The following FSHR variants were observed in gnomAD, a reference collection of about 807,000 sequenced individuals.
FSHR encodes the protein follicle stimulating hormone receptor.
FSHR carries 46 observed loss-of-function variants against 52.1 expected under a neutral mutation model. The observed-to-expected ratio is 0.88, with a 90% CI of 0.70 to 1.13. The LOEUF (loss-of-function observed/expected upper bound fraction) is 1.13. Ranked by LOEUF, FSHR falls within the 50% of genes most tolerant of loss-of-function variation. The pLI is 0.00. For missense variants in FSHR, 964 were observed against 834.6 expected (o/e 1.16, Z -1.91); for synonymous variants, 399 against 309.6 (o/e 1.29, Z -3.03).
At chr2:48,969,841 C>A (rs1011967275) in intron 8 of FSHR, among the ~76,000 whole-genome samples, 1 of 152,176 alleles carries the variant, frequency 6.6e-6, no homozygotes, top group Admixed American at 6.5e-5. Flanking sequence ...CTGGCAGCAC[C>A]ACTGGTAGTT....
chr2:49,027,751 G>A (rs140356151), intron 2 of FSHR, among the ~76,000 whole-genome samples: 32 of 151,514 alleles, frequency 2.1e-4, no homozygotes, highest in African/African-American at 6.8e-4. Flanking sequence ...TCGAGAGGCT[G>A]AGGCATTAGA....
chr2:49,152,073 C>G (rs1367471386), intron 1 of FSHR, among the ~76,000 whole-genome samples: 1 of 152,138 alleles, frequency 6.6e-6, no homozygotes, highest in Admixed American at 6.6e-5. Flanking sequence ...AAGACAGAAT[C>G]TTCTTAAGAC....
intron 1 of FSHR, among the ~76,000 whole-genome samples, chr2:49,135,415 A>G (rs890728206): frequency 8.5e-5 from 13 of 152,312 alleles, no homozygotes; most frequent in Non-Finnish European, 8.8e-5. Context: ...CTTTGAGATG[A>G]ATGAAAATTA....
At chr2:49,075,767 G>C (rs920470345) in intron 1 of FSHR, among the ~76,000 whole-genome samples, 7 of 151,940 alleles carry the variant, frequency 4.6e-5, no homozygotes, top group Admixed American at 1.3e-4. Context: ...AGCTGAGACT[G>C]CAGGCATGCA....
At chr2:49,035,323 C>G (rs1668237437) in intron 2 of FSHR, among the ~76,000 whole-genome samples, 2 of 152,358 alleles carry the variant, frequency 1.3e-5, no homozygotes, top group Admixed American at 6.5e-5. Flanking sequence ...CATTGCCTTT[C>G]ATTTTCGAAG....
At chr2:49,026,708 C>T (rs979228387) in intron 2 of FSHR, among the ~76,000 whole-genome samples, 9 of 152,128 alleles carry the variant, frequency 5.9e-5, no homozygotes, top group African/African-American at 1.9e-4. Context: ...GAAGGATGCC[C>T]GGTGCCCAAC....
At position 49,007,474 on chromosome 2, in the gene FSHR, G is replaced by A. The variant is rs146528876; in HGVS notation, c.374+10015C>T. ...ATTATTTTGAATAGGGATGGCAAGG[G>A]AGCTTGTGGACCACTAGTGTTGAAA... is the stretch of plus-strand genomic sequence containing the variant. On this transcript the variant is annotated intron_variant, in intron 4 of 9. Transcript: ENST00000406846. 9.6e-3 allele frequency among the ~76,000 whole-genome samples: 1,454 copies of A among 152,232 alleles called. 18 individuals carry two copies. Among genetic ancestry groups the A allele is most frequent in the Middle Eastern group, 0.037 (11 of 294 alleles).
intron 1 of FSHR, among the ~76,000 whole-genome samples, chr2:49,145,056 T>C (rs886576801): frequency 6.6e-6 from 1 of 152,092 alleles, no homozygotes; most frequent in African/African-American, 2.4e-5. Flanking sequence ...CCCAGCTGCT[T>C]TGGGGGAAGC....
At chr2:49,126,095 C>G (rs2103792805) in intron 1 of FSHR, among the ~76,000 whole-genome samples, 1 of 152,282 alleles carries the variant, frequency 6.6e-6, no homozygotes, top group Admixed American at 6.5e-5. Flanking sequence ...AGTAAAGGAT[C>G]CGTGGAATGG....
chr2:49,113,644 T>C (rs1671503948), intron 1 of FSHR, among the ~76,000 whole-genome samples: 1 of 152,194 alleles, frequency 6.6e-6, no homozygotes, highest in Non-Finnish European at 1.5e-5. Flanking sequence ...TTTTTTATTT[T>C]CCCCCTAAAC....
chr2:49,046,036 C>T (rs760260905), intron 2 of FSHR, among the ~76,000 whole-genome samples: 1 of 152,160 alleles, frequency 6.6e-6, no homozygotes, highest in Non-Finnish European at 1.5e-5. Context: ...ACCTACATGA[C>T]TTCTTAGATG....
At chr2:48,973,884 C>G (rs773203988) in intron 8 of FSHR, among the ~76,000 whole-genome samples, 7 of 152,108 alleles carry the variant, frequency 4.6e-5, no homozygotes, top group Non-Finnish European at 1.0e-4. Context: ...CTATGGTTGT[C>G]TTTTCATGTA....
intron 2 of FSHR, among the ~76,000 whole-genome samples, chr2:49,067,588 C>G (rs931676375): frequency 1.3e-5 from 2 of 152,032 alleles, no homozygotes; most frequent in South Asian, 4.1e-4. Context: ...GGGAGGATTA[C>G]TTTAAGTATA....
intron 4 of FSHR, among the ~76,000 whole-genome samples, chr2:48,993,262 C>T (rs183241170): frequency 3.9e-5 from 6 of 152,292 alleles, no homozygotes; most frequent in Admixed American, 6.5e-5. Flanking sequence ...GCATATCCTC[C>T]TGAATGTCTC....
Position 49,087,081 on chromosome 2 carries a change from T to TTTTGTTTTG in FSHR, c.153-18792_153-18791insCAAAACAAA, listed in dbSNP as rs1393337694. ...ACCCTGTGGGCAGGGTTTTTTTTTT[T>TTTTGTTTTG]TTTTTTTTTTTTTTTTTACAAAGCT... On this transcript the variant is annotated intron_variant, in intron 1 of 9. Transcript: ENST00000406846. Among the ~76,000 whole-genome samples, 443 of 145,302 alleles carry TTTTGTTTTG rather than the reference T, an allele frequency of 3.0e-3. 9 individuals carry two copies. The highest frequency in any genetic ancestry group is 0.01 in the African/African-American group (404 of 39,574).
intron 2 of FSHR, among the ~76,000 whole-genome samples, chr2:49,051,755 A>T (rs1042778425): frequency 9.2e-5 from 14 of 151,914 alleles, no homozygotes; most frequent in African/African-American, 3.4e-4. Context: ...AATGTGTTCT[A>T]CTTAAGGAAT....
intron 4 of FSHR, among the ~76,000 whole-genome samples, chr2:48,998,891 G>A (rs1309827047): frequency 6.6e-6 from 1 of 152,002 alleles, no homozygotes; most frequent in African/African-American, 2.4e-5. Context: ...AAATATCGAA[G>A]CATATTATTC....
At chr2:49,006,413 C>T (rs565093143) in intron 4 of FSHR, among the ~76,000 whole-genome samples, 1 of 152,144 alleles carries the variant, frequency 6.6e-6, no homozygotes, top group East Asian at 1.9e-4. Context: ...CTTACCCAAC[C>T]CTATCCATCC....
At chr2:48,990,190 C>T (rs1020911718) in intron 5 of FSHR, among the ~76,000 whole-genome samples, 1 of 152,140 alleles carries the variant, frequency 6.6e-6, no homozygotes, top group African/African-American at 2.4e-5. Context: ...TAGATAGTTT[C>T]TTTGTGCCCA....
Sources: gnomAD v4.1 joint callset for allele counts (sites outside exome capture counted in the v4.1 genomes callset) on GRCh38, gnomAD v4.1.1 for gene constraint, MANE v1.5 for transcripts, NCBI Gene and HGNC (gene_info 2026-07-23, HGNC 2026-07-21) for gene names.